SLC5A10: variants seen among roughly 807,000 people sequenced by gnomAD.
SLC5A10 encodes solute carrier family 5 member 10, also known as sodium/mannose cotransporter SLC5A10.
In SLC5A10, 55 loss-of-function variants were observed where a neutral mutation model predicts 68.9. That is an observed-to-expected ratio of 0.80 (90% CI 0.64 to 1.00). The LOEUF (loss-of-function observed/expected upper bound fraction) is 1.00. SLC5A10 is among the 50% of genes least tolerant of loss of function. SLC5A10 has a pLI of 0.00. For missense variants in SLC5A10, 732 were observed against 819.3 expected, an observed-to-expected ratio of 0.89 and a Z score of 1.30; for synonymous variants, 344 against 344.8, an observed-to-expected ratio of 1.00 and a Z score of 0.02.
rs528150785 is a variant in SLC5A10, at chr17:19,021,848, A to G, written c.*1417A>G. On this transcript the variant is annotated 3_prime_UTR_variant, in exon 15 of 15. Transcript: ENST00000395645. This position sits in a 1 kb window ranked among gnomAD's most constrained non-coding sequence, Gnocchi z 4.1. Reference sequence around the variant, plus strand: ...CAGTTAGGAGCCCACGTTCAGTCCAAGGCCGTCCACTGAGCCCCGTGTGAC... The same window carrying G: ...CAGTTAGGAGCCCACGTTCAGTCCAGGGCCGTCCACTGAGCCCCGTGTGAC... The G allele has an allele frequency of 5.0e-6, 6 of 1,196,356 alleles. No homozygotes were observed. The Admixed American group carries it at 1.8e-4, about 36-fold the overall frequency. The allele number at this position is 1,196,356 out of a possible 1,614,324, so 74.1% of individuals were successfully genotyped here.
Position 19,006,374 on chromosome 17 carries a change from C to T in SLC5A10, c.983-7036C>T, listed in dbSNP as rs182987331. On this transcript the variant is annotated intron_variant, in intron 9 of 14. Coordinates refer to ENST00000395645, the MANE Select transcript of SLC5A10 (RefSeq NM_001042450.4). ...TAGCTGGGACCAGAGACACCATGCC[C>T]AGCTAATTTTTTTTCTTTTTTCTTT... 4.1e-3 allele frequency among the ~76,000 whole-genome samples: 623 copies of T among 151,530 alleles called. 1 individual carries two copies. Among genetic ancestry groups the T allele is most frequent in the South Asian group, 6.9e-3 (33 of 4,772 alleles).
intron 9 of SLC5A10, among the ~76,000 whole-genome samples, chr17:19,010,067 G>A (rs2043982215): frequency 6.6e-6 from 1 of 152,082 alleles, no homozygotes; most frequent in African/African-American, 2.4e-5. Context: ...ATAGCAAGGG[G>A]TGTGGGAGGG....
chr17:19,012,291 T>C (rs901286645), intron 9 of SLC5A10, among the ~76,000 whole-genome samples: 7 of 152,088 alleles, frequency 4.6e-5, no homozygotes, highest in Non-Finnish European at 1.0e-4. Flanking sequence ...GCTATGGAGG[T>C]AGGCCGGGGT....
Position 18,960,622 on chromosome 17 carries a change from C to G in SLC5A10, c.423C>G (p.Ser141=). 3.7e-6 allele frequency: 6 copies of G among 1,614,146 alleles called. No individual in the cohort carries two copies. Among genetic ancestry groups the G allele is most frequent in the Non-Finnish European group, 5.1e-6 (6 of 1,179,986 alleles). The change falls in exon 5 of 15, where the codon TCC becomes TCG. Residue 141 remains serine, a synonymous_variant. Transcript: ENST00000395645. ...QRIRMYLSVL[S]LLLSVFTKIS... ...TCCGCATGTACCTGTCTGTCCTGTCCCTGCTACTGTCTGTCTTCACCAAGA... is the reference window on the plus strand; with the variant it reads ...TCCGCATGTACCTGTCTGTCCTGTCGCTGCTACTGTCTGTCTTCACCAAGA...
intron 9 of SLC5A10, among the ~76,000 whole-genome samples, chr17:18,995,212 A>G (rs1567802388): frequency 6.6e-6 from 1 of 152,238 alleles, no homozygotes; most frequent in East Asian, 1.9e-4. Context: ...CAGATGTTAG[A>G]ACTGGCAGAT....
At chr17:18,986,958 G>A (rs2043286112) in intron 9 of SLC5A10, among the ~76,000 whole-genome samples, 1 of 152,236 alleles carries the variant, frequency 6.6e-6, no homozygotes. Context: ...TGAGGTGGGT[G>A]TGGGGCTTGG....
Position 19,017,275 on chromosome 17 carries a change from C to T in SLC5A10, c.1241+2076C>T. 6.4e-7 allele frequency: 1 copy of T among 1,551,862 alleles called. No individual in the cohort carries two copies. The highest frequency in any genetic ancestry group is 8.7e-7 in the Non-Finnish European group (1 of 1,146,890). ...GGCTGGCCAGCTCAACTTCCCGTCC[C>T]TCTTACAGCACTGGGATACCCTCAA... On this transcript the variant is annotated intron_variant, in intron 11 of 14. Coordinates refer to ENST00000395645, the MANE Select transcript of SLC5A10 (RefSeq NM_001042450.4). This position sits in a 1 kb window ranked among gnomAD's most constrained non-coding sequence, Gnocchi z 5.6.
Position 19,017,658 on chromosome 17 carries a change from C to T in SLC5A10, c.1242-1765C>T. The T allele has an allele frequency of 4.4e-6, 2 of 459,634 alleles. No homozygotes were observed. The highest frequency in any genetic ancestry group is 4.0e-6 in the Non-Finnish European group (1 of 249,698). 28.5% of individuals were successfully genotyped at this position (459,634 alleles called of 1,614,324 possible). A position where few individuals can be genotyped will look rare whatever the true frequency, so the allele number is the denominator to read the frequency against. On this transcript the variant is annotated intron_variant, in intron 11 of 14. Coordinates refer to ENST00000395645, the MANE Select transcript of SLC5A10 (RefSeq NM_001042450.4). This position sits in a 1 kb window ranked among gnomAD's most constrained non-coding sequence, Gnocchi z 5.6. ...ACTGTTCCGCCACTGCCCCCCTGCC[C>T]CACTCTCCCCTGTCTGTGTTCCCGG...
chr17:18,969,535 G>A (rs1031911852), intron 7 of SLC5A10, 113 bp downstream of exon 7: 14 of 1,017,432 alleles, frequency 1.4e-5, no homozygotes, highest in East Asian at 7.6e-5. Context: ...GGGTAGCATC[G>A]CTGGGAGTGG....
chr17:18,962,694 G>T (rs2042635044), intron 5 of SLC5A10, among the ~76,000 whole-genome samples: 2 of 152,138 alleles, frequency 1.3e-5, no homozygotes, highest in Non-Finnish European at 2.9e-5. Flanking sequence ...ACATGGTCGT[G>T]TTTGTACTTT....
At chr17:18,976,222 A>C (rs1368079975) in intron 8 of SLC5A10, 2 of 147,996 alleles carry the variant, frequency 1.4e-5, no homozygotes, top group Non-Finnish European at 1.5e-5. Context: ...TAGAATCGTA[A>C]TATCAGTGCT....
intron 5 of SLC5A10, among the ~76,000 whole-genome samples, chr17:18,963,248 C>A (rs1360171277): frequency 1.3e-5 from 2 of 152,172 alleles, no homozygotes; most frequent in African/African-American, 4.8e-5. Flanking sequence ...TCCAGCTCTC[C>A]GAGTTTACAG....
chr17:19,022,186 C>G lies in SLC5A10; in HGVS notation c.*1755C>G, dbSNP rs2152168692. The G allele has an allele frequency of 8.4e-7, 1 of 1,184,470 alleles. No individual in the cohort carries two copies. The highest frequency in any genetic ancestry group is 3.0e-5 in the East Asian group (1 of 32,856). The allele number at this position is 1,184,470 out of a possible 1,614,324, so 73.4% of individuals were successfully genotyped here. A position where few individuals can be genotyped will look rare whatever the true frequency, so the allele number is the denominator to read the frequency against. ...TGGTTAGTAGGGTGCCTTCAGAAGC[C>G]CTGCAACCCACCCTCCCTCAGAGGC... On this transcript the variant is annotated 3_prime_UTR_variant, in exon 15 of 15. Coordinates refer to ENST00000395645, the MANE Select transcript of SLC5A10 (RefSeq NM_001042450.4).
intron 1 of SLC5A10, chr17:18,953,642 G>A (rs1296010946): frequency 6.6e-6 from 1 of 152,628 alleles, no homozygotes; most frequent in Non-Finnish European, 1.5e-5. Flanking sequence ...AGCAGTGGTG[G>A]TGGTGGTGGC....
intron 5 of SLC5A10, among the ~76,000 whole-genome samples, chr17:18,962,955 C>T (rs902027154): frequency 2.6e-5 from 4 of 152,170 alleles, no homozygotes; most frequent in African/African-American, 9.7e-5. Context: ...TGGTGGCTCA[C>T]GCCTATAATC....
rs1476109576 is a variant in SLC5A10 at position 19,000,115 on chromosome 17, T to C, written c.983-13295T>C. Reference sequence around the variant, plus strand: ...TCTTACAAGCCCGTCCTCTGGTATGTAGTTGGAACCCCACAGCAGGTTTTT... The same window carrying C: ...TCTTACAAGCCCGTCCTCTGGTATGCAGTTGGAACCCCACAGCAGGTTTTT... On this transcript the variant is annotated intron_variant, in intron 9 of 14. Transcript: ENST00000395645. This position sits in a 1 kb window ranked among gnomAD's most constrained non-coding sequence, Gnocchi z 5.2. 1.3e-5 allele frequency among the ~76,000 whole-genome samples: 2 copies of C among 152,180 alleles called. No individual in the cohort carries two copies. The highest frequency in any genetic ancestry group is 2.9e-5 in the Non-Finnish European group (2 of 68,016).
rs534959695 is a variant in SLC5A10 at position 19,003,201 on chromosome 17, G to A, written c.983-10209G>A. Reference sequence around the variant, plus strand: ...AAGGGAGAGTGAGAGGAAGCCCTGGGGTTCCTCCCCTCCCCACTCCACCCT... The same window carrying A: ...AAGGGAGAGTGAGAGGAAGCCCTGGAGTTCCTCCCCTCCCCACTCCACCCT... On this transcript the variant is annotated intron_variant, in intron 9 of 14. Coordinates refer to ENST00000395645, the MANE Select transcript of SLC5A10 (RefSeq NM_001042450.4). The surrounding 1 kb of genome is among the most constrained non-coding windows in gnomAD (Gnocchi z 4.5). 2.6e-4 allele frequency among the ~76,000 whole-genome samples: 39 copies of A among 150,192 alleles called. No homozygotes were observed. Among genetic ancestry groups the A allele is most frequent in the African/African-American group, 9.3e-4 (38 of 40,840 alleles).
intron 9 of SLC5A10, chr17:18,978,073 T>G (rs2043028895): frequency 6.6e-7 from 1 of 1,516,436 alleles, no homozygotes; most frequent in Non-Finnish European, 8.8e-7. Context: ...GAGCTTCCTC[T>G]TTGGGGAGCT....
At chr17:18,983,755 G>A (rs1462769376) in intron 9 of SLC5A10, among the ~76,000 whole-genome samples, 1 of 152,182 alleles carries the variant, frequency 6.6e-6, no homozygotes, top group Non-Finnish European at 1.5e-5. Flanking sequence ...AGGCTGTTGT[G>A]AAGTTGGGGT....
Sources: allele counts gnomAD v4.1 joint callset (sites outside exome capture counted in the v4.1 genomes callset), GRCh38; gene constraint gnomAD v4.1.1; non-coding constraint Gnocchi (gnomAD v3.1); transcripts MANE v1.5; gene names NCBI Gene and HGNC (gene_info 2026-07-23, HGNC 2026-07-21).